The following CATSPER4 variants were observed in gnomAD, a reference collection of about 807,000 sequenced individuals.
CATSPER4 encodes cation channel sperm associated 4.
A neutral mutation model predicts 54.4 loss-of-function variants in CATSPER4; 46 were observed. The ratio of observed to expected loss-of-function variants is 0.84; its 90% CI spans 0.67 to 1.08. The LOEUF (loss-of-function observed/expected upper bound fraction) is 1.08. Ranked by LOEUF, CATSPER4 falls within the 50% of genes least tolerant of loss-of-function variation. The probability of loss-of-function intolerance (pLI) is 0.00; values close to 1 mark genes in which losing one functional copy is unlikely to be tolerated. For synonymous variants in CATSPER4, 230 were observed against 231.9 expected (o/e 0.99, Z 0.08); for missense variants, 574 against 612.8 (o/e 0.94, Z 0.67).
In CATSPER4 at chr1:26,193,781, A is replaced by C. The variant is rs1249166809; in HGVS notation, c.358-6A>C. The C allele has an allele frequency of 6.3e-7, 1 of 1,598,770 alleles. No individual in the cohort carries two copies. Among genetic ancestry groups the C allele is most frequent in the Non-Finnish European group, 8.6e-7 (1 of 1,165,922 alleles). On this transcript the variant is annotated splice_region_variant and splice_polypyrimidine_tract_variant and intron_variant, in intron 2 of 9. Coordinates refer to ENST00000456354, the MANE Select transcript of CATSPER4 (RefSeq NM_198137.2). ...TGCCCCTCTTTTTTCTCTGTCTCCC[A>C]TGTAGAAACACTATGAGTTGTTCTC...
Position 26,200,012 on chromosome 1 carries a change from T to C in CATSPER4, c.941T>C (p.Met314Thr). ...GTGACCACCAACCTGGAGCAAATGA[T>C]GAAGGCAGGAGAGCAGGGACAACAG... ...IVVTTNLEQM[M>T]KAGEQGQQQR... Residue 314 changes from methionine (M) to threonine (T), a missense_variant, in exon 7 of 10, where the codon ATG (methionine) becomes ACG (threonine). Physicochemically the swap from Met to Thr is moderately conservative, Grantham distance 81. Transcript: ENST00000456354. The C allele has an allele frequency of 6.2e-7, 1 of 1,613,910 alleles. No individual in the cohort carries two copies. The highest frequency in any genetic ancestry group is 8.5e-7 in the Non-Finnish European group (1 of 1,179,906).
At position 26,198,059 on chromosome 1, in the gene CATSPER4, C is replaced by G; in HGVS notation, c.660C>G (p.Leu220=). 6.2e-7 allele frequency: 1 copy of G among 1,614,072 alleles called. No individual in the cohort carries two copies. The highest frequency in any genetic ancestry group is 8.5e-7 in the Non-Finnish European group (1 of 1,179,922). The change falls in exon 5 of 10, where the codon CTC becomes CTG. Residue 220 remains leucine (L), a synonymous_variant. Coordinates refer to ENST00000456354, the MANE Select transcript of CATSPER4 (RefSeq NM_198137.2). ...CTGACATGGCCAATATCATGGTCCT[C>G]ATCCTCTTCTTCATGCTGGTCAGTG... ...SVPDMANIMV[L]ILFFMLVFSV...
In CATSPER4 at chr1:26,200,970, C is replaced by T. The variant is rs1179212157; in HGVS notation, c.1128C>T (p.Asn376=). 3 of 1,614,106 alleles carry T rather than the reference C, an allele frequency of 1.9e-6. No homozygotes were observed. The highest frequency in any genetic ancestry group is 1.7e-6 in the Non-Finnish European group (2 of 1,180,030). ...LSNLSENTCD[N]FCLVLEAIQE... is the part of the protein sequence containing the mutation. ...ACCTCTCAGAAAACACGTGTGACAA[C>T]TTTTGCTTGGTGCTTGAGGCAATAC... The change falls in exon 8 of 10, where the codon AAC becomes AAT. Residue 376 remains asparagine (N), a synonymous_variant. Transcript: ENST00000456354.
chr1:26,201,706 T>C, intron 9 of CATSPER4, 187 bp downstream of exon 9: 1 of 560,112 alleles, frequency 1.8e-6, no homozygotes, highest in South Asian at 2.0e-5. Flanking sequence ...TTTTTTTTTT[T>C]TGAGACGGAG....
At chr1:26,198,541 T>C in intron 6 of CATSPER4, 122 bp downstream of exon 6, 1 of 1,263,906 alleles carries the variant, frequency 7.9e-7, no homozygotes, top group Admixed American at 1.9e-5. Context: ...AAGTGGGGGT[T>C]CCCAGGTCTT....
In CATSPER4 at chr1:26,202,726, T is replaced by C; in HGVS notation, c.*184T>C. ...TGGTGCCTGTGAGCCCCAGGTCCGG[T>C]GGAGCAAGGAGAGAGGAGGATGCTG... On this transcript the variant is annotated 3_prime_UTR_variant, in exon 10 of 10. Coordinates refer to ENST00000456354, the MANE Select transcript of CATSPER4 (RefSeq NM_198137.2). The C allele has an allele frequency of 1.5e-6, 1 of 649,220 alleles. No homozygotes were observed. The highest frequency in any genetic ancestry group is 1.8e-5 in the South Asian group (1 of 55,496). 40.2% of individuals were successfully genotyped at this position (649,220 alleles called of 1,614,324 possible).
intron 3 of CATSPER4, among the ~76,000 whole-genome samples, chr1:26,196,506 G>A (rs2088941107): frequency 7.0e-6 from 1 of 142,518 alleles, no homozygotes; most frequent in Non-Finnish European, 1.5e-5. Context: ...TCGACCTCCT[G>A]GGTTCAAGTG....
intron 7 of CATSPER4, 56 bp from the exon 8 acceptor site, chr1:26,200,774 G>GC: frequency 7.2e-7 from 1 of 1,391,508 alleles, no homozygotes; most frequent in South Asian, 1.2e-5. Context: ...GGAAAAGGGT[G>GC]CCGGGGGCGT....
chr1:26,200,549 G>C (rs551296416), intron 7 of CATSPER4, among the ~76,000 whole-genome samples: 1 of 152,178 alleles, frequency 6.6e-6, no homozygotes, highest in South Asian at 2.1e-4. Flanking sequence ...GGGTAGGCAG[G>C]GCTTTATAAA....
In CATSPER4 at chr1:26,193,901, G is replaced by GC; in HGVS notation, c.459+16dup. On this transcript the variant is annotated intron_variant, in intron 3 of 9. Coordinates refer to ENST00000456354, the MANE Select transcript of CATSPER4 (RefSeq NM_198137.2). The stretch of plus-strand genomic sequence containing the variant: ...GATTTTCTGGAAGGTGAGATCCTGA[G>GC]CCCTTTGCCCCTACTTCCCCCTGGG... 1.3e-6 allele frequency: 2 copies of GC among 1,594,410 alleles called. No homozygotes were observed. Among genetic ancestry groups the GC allele is most frequent in the Non-Finnish European group, 1.7e-6 (2 of 1,161,950 alleles).
In CATSPER4 at chr1:26,192,419, G is replaced by A. The variant is rs138258764; in HGVS notation, c.357+989G>A. Among the ~76,000 whole-genome samples, 689 of 151,774 alleles carry A rather than the reference G, an allele frequency of 4.5e-3. 6 individuals carry two copies. Among genetic ancestry groups the A allele is most frequent in the African/African-American group, 0.016 (651 of 41,404 alleles). On this transcript the variant is annotated intron_variant, in intron 2 of 9. Coordinates refer to ENST00000456354, the MANE Select transcript of CATSPER4 (RefSeq NM_198137.2). ...AGCCTGGCCAACATGGTGAAACCCC[G>A]TCTCTATTAAAAATACAAAAATTAG...
rs773246457 is a variant in CATSPER4 at position 26,201,025 on chromosome 1, C to G, written c.1183C>G (p.Arg395Gly). Reference sequence around the variant, plus strand: ...GAACCTGAGGCAGTACAAGGAGATCCGAGATGAACTCAACATGTAGGGGAG... The same window carrying G: ...GAACCTGAGGCAGTACAAGGAGATCGGAGATGAACTCAACATGTAGGGGAG... ...QENLRQYKEIRDELNMIVEEV... is the reference protein window; with the variant it reads ...QENLRQYKEIGDELNMIVEEV... The change falls in exon 8 of 10, where the codon CGA becomes GGA. Residue 395 changes from arginine to glycine, a missense_variant. Transcript: ENST00000456354. 7.4e-6 allele frequency: 12 copies of G among 1,613,626 alleles called. No individual in the cohort carries two copies. In the South Asian group the frequency reaches 1.1e-4, roughly 15 times the overall value.
chr1:26,190,774 TCA>T lies in CATSPER4; in HGVS notation c.149_150del (p.His50ArgfsTer73). 1 of 1,613,390 alleles carries T rather than the reference TCA, an allele frequency of 6.2e-7. No individual in the cohort carries two copies. Among genetic ancestry groups the T allele is most frequent in the Non-Finnish European group, 8.5e-7 (1 of 1,179,824 alleles). ...GCCCCTCTCCCCTGCAGAGTACCAT[TCA>T]CGAGTCCTACGGTCGGCCAGAGGAG... ...GRPSPLQSTI[H>X]ESYGRPEEQV... is the part of the protein sequence containing the mutation. On this transcript the variant is annotated frameshift_variant, in exon 1 of 10. Coordinates refer to ENST00000456354, the MANE Select transcript of CATSPER4 (RefSeq NM_198137.2). LOFTEE classifies it high-confidence loss of function.
chr1:26,191,469 T>A, intron 2 of CATSPER4, 39 bp downstream of exon 2: 3 of 1,608,018 alleles, frequency 1.9e-6, no homozygotes, highest in Non-Finnish European at 2.6e-6. Flanking sequence ...CTAACCCTAA[T>A]GGGGGGCCTG....
chr1:26,200,093 G>T (rs1384182922), intron 7 of CATSPER4, 35 bp downstream of exon 7: 1 of 1,601,732 alleles, frequency 6.2e-7, no homozygotes. Context: ...GGGAGGAAAA[G>T]GAGTGTGTAT....
At chr1:26,197,340 A>C (rs1325129156) in intron 3 of CATSPER4, among the ~76,000 whole-genome samples, 1 of 152,166 alleles carries the variant, frequency 6.6e-6, no homozygotes, top group Non-Finnish European at 1.5e-5. Context: ...CAAAGGCAGG[A>C]ACAGCCAAGT....
intron 3 of CATSPER4, 81 bp downstream of exon 3, chr1:26,193,969 A>G: frequency 1.1e-6 from 1 of 926,082 alleles, no homozygotes. Flanking sequence ...CTGGCCCTAC[A>G]AACTGAGGGT....
intron 9 of CATSPER4, 122 bp downstream of exon 9, chr1:26,201,641 C>G: frequency 1.2e-6 from 1 of 855,322 alleles, no homozygotes; most frequent in Non-Finnish European, 2.0e-6. Flanking sequence ...TCCCCCTCAC[C>G]ACCACCACCC....
intron 2 of CATSPER4, 96 bp from the exon 3 acceptor site, chr1:26,193,691 A>C: frequency 1.0e-4 from 80 of 777,992 alleles, no homozygotes; most frequent in Non-Finnish European, 1.6e-4. Context: ...GTGATACGGG[A>C]CTTCCCTCCC....
Sources: gnomAD v4.1 joint callset for allele counts (sites outside exome capture counted in the v4.1 genomes callset) on GRCh38, gnomAD v4.1.1 for gene constraint, MANE v1.5 for transcripts, NCBI Gene and HGNC (gene_info 2026-07-23, HGNC 2026-07-21) for gene names.